The following EPHA6 variants were observed in gnomAD, a reference collection of about 807,000 sequenced individuals.
EPHA6 encodes ephrin type-A receptor 6.
Under a neutral mutation model 112.0 loss-of-function variants are expected in EPHA6, and 50 were observed. The observed-to-expected ratio is 0.45, with a 90% confidence interval of 0.36 to 0.56. The LOEUF (loss-of-function observed/expected upper bound fraction) is 0.56, where lower values mean the gene tolerates loss of function less well. Ranked by LOEUF, EPHA6 falls within the 20% of genes least tolerant of loss-of-function variation. EPHA6 has a pLI of 0.00. For missense variants in EPHA6, 1,280 were observed against 1,417.4 expected (o/e 0.90, Z 1.56); for synonymous variants, 529 against 490.7 (o/e 1.08, Z -1.03).
chr3:97,031,702 A>G (rs1028459191), intron 3 of EPHA6, among the ~76,000 whole-genome samples: 7 of 151,570 alleles, frequency 4.6e-5, no homozygotes, highest in Non-Finnish European at 1.0e-4. Context: ...AAAATTGCTC[A>G]TCATCACTGG....
chr3:97,571,977 A>C (rs1261940481), intron 11 of EPHA6, among the ~76,000 whole-genome samples: 1 of 152,124 alleles, frequency 6.6e-6, no homozygotes, highest in Non-Finnish European at 1.5e-5. Flanking sequence ...TAAAACCATA[A>C]GGTTATTTTG....
intron 2 of EPHA6, among the ~76,000 whole-genome samples, chr3:96,985,307 AT>A (rs1224559820): frequency 6.6e-6 from 1 of 152,174 alleles, no homozygotes; most frequent in African/African-American, 2.4e-5. Flanking sequence ...AATTATAAAT[AT>A]ATTCAAAATA....
At chr3:96,972,433 AC>A (rs2042352009) in intron 2 of EPHA6, among the ~76,000 whole-genome samples, 2 of 122,992 alleles carry the variant, frequency 1.6e-5, no homozygotes, top group Non-Finnish European at 3.6e-5. Flanking sequence ...AAACACACAC[AC>A]ACACACACAC....
chr3:97,638,809 AT>A (rs1218259396), intron 14 of EPHA6, among the ~76,000 whole-genome samples: 1 of 152,072 alleles, frequency 6.6e-6, no homozygotes, highest in African/African-American at 2.4e-5. Context: ...ATATTCTGTT[AT>A]TTTTTTAAAC....
At chr3:97,533,781 C>T (rs976273940) in intron 11 of EPHA6, among the ~76,000 whole-genome samples, 1 of 152,022 alleles carries the variant, frequency 6.6e-6, no homozygotes, top group Non-Finnish European at 1.5e-5. Context: ...TGCAGTACTC[C>T]AAAGAAGAGA....
At chr3:97,123,474 G>A (rs1217375434) in intron 3 of EPHA6, among the ~76,000 whole-genome samples, 2 of 152,088 alleles carry the variant, frequency 1.3e-5, no homozygotes, top group Non-Finnish European at 2.9e-5. Flanking sequence ...AAGCCAATAA[G>A]CTACTCCCGT....
At chr3:97,644,081 A>G (rs1351377399) in intron 14 of EPHA6, among the ~76,000 whole-genome samples, 1 of 151,784 alleles carries the variant, frequency 6.6e-6, no homozygotes, top group East Asian at 1.9e-4. Context: ...AGATTATAAC[A>G]AACTATCTCT....
chr3:97,007,612 G>T (rs1366601511), intron 3 of EPHA6, among the ~76,000 whole-genome samples: 2 of 151,938 alleles, frequency 1.3e-5, no homozygotes. Context: ...TACATTTAAG[G>T]TTAGTATTAT....
At chr3:97,682,254 A>G (rs1366155366) in intron 14 of EPHA6, among the ~76,000 whole-genome samples, 1 of 152,120 alleles carries the variant, frequency 6.6e-6, no homozygotes, top group East Asian at 1.9e-4. Flanking sequence ...GTGGAAAGTG[A>G]ATGATGTGAT....
intron 3 of EPHA6, among the ~76,000 whole-genome samples, chr3:97,122,837 A>G (rs1003610641): frequency 1.6e-4 from 24 of 152,048 alleles, no homozygotes; most frequent in Non-Finnish European, 3.4e-4. Flanking sequence ...TGTATAAAAT[A>G]TATGTATGAT....
chr3:97,652,087 A>G (rs1316997150), intron 14 of EPHA6, among the ~76,000 whole-genome samples: 1 of 152,090 alleles, frequency 6.6e-6, no homozygotes, highest in African/African-American at 2.4e-5. Flanking sequence ...TTAAAATAAC[A>G]TACCTGCTGA....
At chr3:97,411,796 T>G (rs2087733817) in intron 6 of EPHA6, among the ~76,000 whole-genome samples, 1 of 152,030 alleles carries the variant, frequency 6.6e-6, no homozygotes, top group African/African-American at 2.4e-5. Context: ...ACCTATGTAT[T>G]TTTATGCTTA....
chr3:97,214,434 G>A (rs2077973792), intron 3 of EPHA6, among the ~76,000 whole-genome samples: 1 of 148,406 alleles, frequency 6.7e-6, no homozygotes, highest in African/African-American at 2.5e-5. Context: ...GAAAAGCGTG[G>A]AGTGCCACTG....
At chr3:97,435,413 AG>A (rs2107252602) in intron 6 of EPHA6, among the ~76,000 whole-genome samples, 1 of 152,306 alleles carries the variant, frequency 6.6e-6, no homozygotes, top group East Asian at 1.9e-4. Flanking sequence ...AATTCATAAA[AG>A]CAAATCAAAA....
chr3:97,032,129 G>T (rs1379066968), intron 3 of EPHA6, among the ~76,000 whole-genome samples: 1 of 152,124 alleles, frequency 6.6e-6, no homozygotes, highest in Admixed American at 6.6e-5. Flanking sequence ...AAAAAAGGAT[G>T]AGTTCATGTC....
intron 3 of EPHA6, among the ~76,000 whole-genome samples, chr3:97,125,051 G>A (rs2048146389): frequency 6.6e-6 from 1 of 152,094 alleles, no homozygotes; most frequent in Admixed American, 6.6e-5. Flanking sequence ...AAAAAGTCAA[G>A]CAATATTACT....
intron 3 of EPHA6, among the ~76,000 whole-genome samples, chr3:97,091,331 T>A (rs2047059461): frequency 6.6e-6 from 1 of 152,146 alleles, no homozygotes; most frequent in Non-Finnish European, 1.5e-5. Context: ...CTACTATGGA[T>A]CAGAGTCTCA....
intron 2 of EPHA6, among the ~76,000 whole-genome samples, chr3:96,868,679 A>G (rs2036465354): frequency 6.6e-6 from 1 of 151,988 alleles, no homozygotes; most frequent in Non-Finnish European, 1.5e-5. Flanking sequence ...ACATGTAGAC[A>G]ATATAATTGG....
intron 10 of EPHA6, among the ~76,000 whole-genome samples, chr3:97,513,327 G>A (rs1213848744): frequency 6.6e-6 from 1 of 152,202 alleles, no homozygotes. Context: ...AATTCAGTAT[G>A]TCAAAGAGAT....
Sources: allele counts gnomAD v4.1 joint callset (sites outside exome capture counted in the v4.1 genomes callset), GRCh38; gene constraint gnomAD v4.1.1; transcripts MANE v1.5; gene names NCBI Gene and HGNC (gene_info 2026-07-23, HGNC 2026-07-21).